HYDIN: variants seen among roughly 807,000 people sequenced by gnomAD.
HYDIN encodes the protein HYDIN axonemal central pair apparatus protein.
Under a neutral mutation model 403.9 loss-of-function variants are expected in HYDIN, and 132 were observed. The observed-to-expected ratio is 0.33, with a 90% confidence interval of 0.28 to 0.38. HYDIN has a LOEUF of 0.38. HYDIN is among the 10% of genes least tolerant of loss of function. The pLI is 1.00. For synonymous variants in HYDIN, 1,202 were observed against 1,891.7 expected, an observed-to-expected ratio of 0.64 and a Z score of 9.46; for missense variants, 2,827 against 5,009.5, an observed-to-expected ratio of 0.56 and a Z score of 13.15.
chr16:71,175,569 A>G (rs775814133), intron 5 of HYDIN, 38 bp downstream of exon 5: 1 of 1,605,910 alleles, frequency 6.2e-7, no homozygotes, highest in Non-Finnish European at 8.5e-7. Context: ...GCAATCTGCC[A>G]GTACAAGTGT....
At chr16:70,871,996 G>T (rs2040136855) in intron 65 of HYDIN, 41 bp downstream of exon 65, 1 of 1,602,176 alleles carries the variant, frequency 6.2e-7, no homozygotes, top group South Asian at 1.1e-5. Flanking sequence ...GTTGGCTTAG[G>T]ACTAAGGGAT....
chr16:71,021,204 A>T lies in HYDIN; in HGVS notation c.3187-887T>A, dbSNP rs116107488. ...AGTATCTTTTTACTCTGTTAGATAC[A>T]TTAGATTTAATTTTTCTTTTTTTTT... On this transcript the variant is annotated intron_variant, in intron 21 of 85. Transcript: ENST00000393567. Among the ~76,000 whole-genome samples the T allele has an allele frequency of 8.7e-3, 1,311 of 151,298 alleles. 18 individuals carry two copies. Among genetic ancestry groups the T allele is most frequent in the African/African-American group, 0.03 (1,229 of 41,276 alleles).
intron 74 of HYDIN, 125 bp from the exon 75 acceptor site, chr16:70,850,072 G>A: frequency 1.6e-6 from 1 of 615,392 alleles, no homozygotes; most frequent in South Asian, 1.9e-5. Flanking sequence ...TTGGTGATTT[G>A]ACTATCTTTA....
At chr16:70,926,587 T>A (rs1484574151) in intron 45 of HYDIN, among the ~76,000 whole-genome samples, 1 of 151,756 alleles carries the variant, frequency 6.6e-6, no homozygotes, top group Non-Finnish European at 1.5e-5. Context: ...ATTGTACACA[T>A]GTACCCTAAA....
chr16:71,037,953 C>T (rs574733651), intron 18 of HYDIN, among the ~76,000 whole-genome samples: 5 of 152,280 alleles, frequency 3.3e-5, no homozygotes, highest in East Asian at 3.9e-4. Context: ...TGTTACCCAG[C>T]AAGAGAAACC....
At chr16:71,043,671 T>C (rs1597626159) in intron 18 of HYDIN, among the ~76,000 whole-genome samples, 1 of 152,130 alleles carries the variant, frequency 6.6e-6, no homozygotes, top group South Asian at 2.1e-4. Context: ...CATTTTGTTT[T>C]ATTTTAAACT....
chr16:70,922,679 A>G (rs1484088319), intron 45 of HYDIN, among the ~76,000 whole-genome samples: 6 of 152,036 alleles, frequency 3.9e-5, no homozygotes, highest in Admixed American at 1.3e-4. Context: ...CATAAAGGAG[A>G]GTAGAAAATA....
chr16:70,854,047 C>T (rs1419935741), intron 73 of HYDIN, among the ~76,000 whole-genome samples: 5 of 143,900 alleles, frequency 3.5e-5, no homozygotes, highest in African/African-American at 7.6e-5. Flanking sequence ...GCCTGGCTAA[C>T]GTTTGTAGTT....
At chr16:71,039,834 T>C (rs55720995) in intron 18 of HYDIN, among the ~76,000 whole-genome samples, 8,068 of 152,222 alleles carry the variant, frequency 0.053, 548 homozygotes, top group East Asian at 0.36. Flanking sequence ...GATCCCTGAG[T>C]GCAGATACAA....
intron 10 of HYDIN, among the ~76,000 whole-genome samples, chr16:71,111,677 T>A (rs1263467355): frequency 6.6e-6 from 1 of 152,146 alleles, no homozygotes; most frequent in African/African-American, 2.4e-5. Flanking sequence ...GCTACAGCTA[T>A]GCAGCACACT....
intron 36 of HYDIN, among the ~76,000 whole-genome samples, chr16:70,965,218 C>T (rs2078537540): frequency 1.3e-5 from 2 of 152,182 alleles, no homozygotes; most frequent in Admixed American, 1.3e-4. Context: ...TTCAGAACTC[C>T]ATTATCTACC....
In HYDIN at chr16:70,837,539, C is replaced by T; in HGVS notation, c.13242+151G>A. The T allele has an allele frequency of 8.4e-6, 5 of 593,980 alleles. No individual in the cohort carries two copies. The East Asian group carries it at 1.4e-4, about 17-fold the overall frequency. 36.8% of individuals were successfully genotyped at this position (593,980 alleles called of 1,614,324 possible). A position where few individuals can be genotyped will look rare whatever the true frequency, so the allele number is the denominator to read the frequency against. ...TGCCCCTTTCTGTTATTAGGAACAT[C>T]ATCTCAGTGGGACTCGCTGACCTAC... On this transcript the variant is annotated intron_variant, in intron 77 of 85. Coordinates refer to ENST00000393567, the MANE Select transcript of HYDIN (RefSeq NM_001270974.2).
At chr16:71,225,743 A>T (rs982797944) in intron 1 of HYDIN, among the ~76,000 whole-genome samples, 4 of 152,236 alleles carry the variant, frequency 2.6e-5, no homozygotes, top group African/African-American at 9.6e-5. Context: ...CATTTGAATG[A>T]GGTTTAACAT....
intron 7 of HYDIN, among the ~76,000 whole-genome samples, chr16:71,139,353 G>A (rs913744764): frequency 1.3e-5 from 2 of 151,986 alleles, no homozygotes; most frequent in African/African-American, 4.8e-5. Context: ...AAAACATAAT[G>A]ATGCAATGCA....
intron 1 of HYDIN, among the ~76,000 whole-genome samples, chr16:71,192,953 C>A (rs987855762): frequency 6.6e-6 from 1 of 152,184 alleles, no homozygotes; most frequent in African/African-American, 2.4e-5. Flanking sequence ...ACATCCTGAT[C>A]CCCATCTGCC....
At chr16:71,036,190 T>A (rs1489396243) in intron 18 of HYDIN, among the ~76,000 whole-genome samples, 1 of 139,850 alleles carries the variant, frequency 7.2e-6, no homozygotes, top group African/African-American at 2.5e-5. Flanking sequence ...GCCTTTCAGA[T>A]CCTTTGGGAA....
intron 5 of HYDIN, among the ~76,000 whole-genome samples, chr16:71,171,243 T>C (rs1411444650): frequency 6.6e-6 from 1 of 152,190 alleles, no homozygotes; most frequent in Non-Finnish European, 1.5e-5. Flanking sequence ...CGGCTTAAAT[T>C]AGTTATCTTA....
At chr16:70,987,465 T>C (rs906420141) in intron 27 of HYDIN, among the ~76,000 whole-genome samples, 2 of 152,018 alleles carry the variant, frequency 1.3e-5, no homozygotes, top group African/African-American at 4.8e-5. Flanking sequence ...AATTTAGGCA[T>C]GGCTTGATGA....
chr16:70,933,008 T>C (rs2077392748), intron 45 of HYDIN, among the ~76,000 whole-genome samples: 1 of 151,902 alleles, frequency 6.6e-6, no homozygotes, highest in South Asian at 2.1e-4. Flanking sequence ...GATATTAAAC[T>C]AATTTGGCAA....
Sources: allele counts gnomAD v4.1 joint callset (sites outside exome capture counted in the v4.1 genomes callset), GRCh38; gene constraint gnomAD v4.1.1; transcripts MANE v1.5; gene names NCBI Gene and HGNC (gene_info 2026-07-23, HGNC 2026-07-21).